The following ANKRD66 variants were observed in gnomAD, a reference collection of about 807,000 sequenced individuals.
ANKRD66 encodes ankyrin repeat domain-containing protein 66.
ANKRD66 carries 10 observed loss-of-function variants against 10.9 expected under a neutral mutation model. The observed-to-expected ratio is 0.91, with a 90% CI of 0.56 to 1.55. The LOEUF (loss-of-function observed/expected upper bound fraction) is 1.55, where lower values mean the gene tolerates loss of function less well. Among genes scored for constraint, ANKRD66 ranks in the 40% most tolerant of loss-of-function variants. The pLI, the probability that ANKRD66 is intolerant of heterozygous loss-of-function variation, is 0.00. For missense variants in ANKRD66, 252 were observed against 242.9 expected, an observed-to-expected ratio of 1.04 and a Z score of -0.25; for synonymous variants, 85 against 88.4, an observed-to-expected ratio of 0.96 and a Z score of 0.22.
chr6:46,758,667 C>A (rs1210912930), intron 4 of ANKRD66, 56 bp from the exon 5 acceptor site: 5 of 1,462,726 alleles, frequency 3.4e-6, no homozygotes, highest in Non-Finnish European at 4.5e-6. Flanking sequence ...GGCCGATTCC[C>A]AGGCTGGAAC....
At chr6:46,751,026 C>T (rs1011169982) in intron 2 of ANKRD66, among the ~76,000 whole-genome samples, 5 of 152,096 alleles carry the variant, frequency 3.3e-5, no homozygotes, top group African/African-American at 9.7e-5. Flanking sequence ...ATTCTAATAA[C>T]ACATTCATTA....
chr6:46,752,708 A>T (rs1766297030), intron 3 of ANKRD66, among the ~76,000 whole-genome samples: 1 of 152,204 alleles, frequency 6.6e-6, no homozygotes, highest in Non-Finnish European at 1.5e-5. Context: ...CCTATCTTAC[A>T]GTCTGCTCTC....
At chr6:46,751,499 T>C (rs532186399) in intron 2 of ANKRD66, among the ~76,000 whole-genome samples, 3 of 152,350 alleles carry the variant, frequency 2.0e-5, no homozygotes, top group South Asian at 2.1e-4. Context: ...TAATTTTTTT[T>C]TGCAAATTGA....
intron 4 of ANKRD66, chr6:46,757,447 G>A (rs190004746): frequency 9.2e-5 from 14 of 152,284 alleles, no homozygotes; most frequent in Admixed American, 7.2e-4. Context: ...TAGGCAAGCA[G>A]AAGAGTGTGA....
intron 3 of ANKRD66, among the ~76,000 whole-genome samples, chr6:46,752,399 G>C (rs1187649910): frequency 6.6e-6 from 1 of 152,026 alleles, no homozygotes. Context: ...CACGACTAGT[G>C]AATTTTTGTA....
At chr6:46,747,891 A>C (rs1356036871) in intron 1 of ANKRD66, among the ~76,000 whole-genome samples, 2 of 152,242 alleles carry the variant, frequency 1.3e-5, no homozygotes, top group Admixed American at 1.3e-4. Context: ...ACTAGCATAA[A>C]GATAGATATT....
At chr6:46,750,436 T>C (rs1026197773) in intron 2 of ANKRD66, among the ~76,000 whole-genome samples, 3 of 151,990 alleles carry the variant, frequency 2.0e-5, no homozygotes, top group African/African-American at 7.2e-5. Context: ...ATAGGTTTAC[T>C]CTCCCCTGCC....
At chr6:46,758,660 C>T (rs373618015) in intron 4 of ANKRD66, 63 bp from the exon 5 acceptor site, 20 of 1,441,690 alleles carry the variant, frequency 1.4e-5, no homozygotes, top group Middle Eastern at 5.1e-4. Context: ...GAATAAAGGC[C>T]GATTCCCAGG....
At chr6:46,750,803 T>C (rs1766254001) in intron 2 of ANKRD66, among the ~76,000 whole-genome samples, 1 of 151,524 alleles carries the variant, frequency 6.6e-6, no homozygotes, top group Non-Finnish European at 1.5e-5. Flanking sequence ...ACAACAATAT[T>C]GTGTAAGTTG....
intron 2 of ANKRD66, 23 bp downstream of exon 2, chr6:46,750,002 T>A: frequency 7.8e-7 from 1 of 1,285,206 alleles, no homozygotes; most frequent in African/African-American, 1.5e-5. Flanking sequence ...CTGAGCACAA[T>A]AATTTGCATT....
At chr6:46,755,960 C>T in intron 4 of ANKRD66, 2 of 264,738 alleles carry the variant, frequency 7.6e-6, no homozygotes, top group South Asian at 3.9e-5. Flanking sequence ...CTAAAGTGTA[C>T]AGTTCATCAG....
In ANKRD66 at chr6:46,751,981, G is replaced by A; in HGVS notation, c.33G>A (p.Lys11=). 1.3e-6 allele frequency: 2 copies of A among 1,490,918 alleles called. No homozygotes were observed. Among genetic ancestry groups the A allele is most frequent in the Non-Finnish European group, 1.8e-6 (2 of 1,122,804 alleles). The allele number at this position is 1,490,918 out of a possible 1,614,324, so 92.4% of individuals were successfully genotyped here. A position where few individuals can be genotyped will look rare whatever the true frequency, so the allele number is the denominator to read the frequency against. The change falls in exon 3 of 5, where the codon AAG becomes AAA. Residue 11 remains lysine (K), a synonymous_variant. Transcript: ENST00000565422. ...TGGCCAAAATGTCAGACATGACAAA[G>A]CTTCACCAAGCTGTGGCTGCAGGAG... MELAKMSDMT[K]LHQAVAAGDY...
At position 46,759,049 on chromosome 6, in the gene ANKRD66, T is replaced by G. The variant is rs151238314; in HGVS notation, c.*128T>G. 8.8e-4 allele frequency: 758 copies of G among 864,344 alleles called. No individual in the cohort carries two copies. Among genetic ancestry groups the G allele is most frequent in the Non-Finnish European group, 1.2e-3 (722 of 578,270 alleles). The allele number at this position is 864,344 out of a possible 1,614,324, so 53.5% of individuals were successfully genotyped here. A position where few individuals can be genotyped will look rare whatever the true frequency, so the allele number is the denominator to read the frequency against. On this transcript the variant is annotated 3_prime_UTR_variant, in exon 5 of 5. Coordinates refer to ENST00000565422, the MANE Select transcript of ANKRD66 (RefSeq NM_001162435.3). ...CACCTGGCTTCTGCCCATGGACCTG[T>G]CATTAGGTGCTGTCCACATGGGCTG...
chr6:46,752,538 G>C (rs1766295055), intron 3 of ANKRD66, among the ~76,000 whole-genome samples: 1 of 152,204 alleles, frequency 6.6e-6, no homozygotes, highest in Non-Finnish European at 1.5e-5. Context: ...CCTGGCCCCA[G>C]ATGGAACATT....
Position 46,749,974 on chromosome 6 carries a change from G to A in ANKRD66, c.-18G>A. ...GGCCGGACCCCTGCCCAGAGTTTCA[G>A]ATTCTGTAAGTCTGGGGCTGAGCAC... On this transcript the variant is annotated 5_prime_UTR_variant, in exon 2 of 5. Coordinates refer to ENST00000565422, the MANE Select transcript of ANKRD66 (RefSeq NM_001162435.3). 6.9e-7 allele frequency: 1 copy of A among 1,441,862 alleles called. No individual in the cohort carries two copies. The allele number at this position is 1,441,862 out of a possible 1,614,324, so 89.3% of individuals were successfully genotyped here.
rs528460553 is a variant in ANKRD66 at position 46,758,645 on chromosome 6, C to T, written c.393-78C>T. 9.2e-5 allele frequency: 127 copies of T among 1,384,520 alleles called. No individual in the cohort carries two copies. The African/African-American group carries it at 1.8e-3, about 20-fold the overall frequency. The allele number at this position is 1,384,520 out of a possible 1,614,324, so 85.8% of individuals were successfully genotyped here. A position where few individuals can be genotyped will look rare whatever the true frequency, so the allele number is the denominator to read the frequency against. Reference sequence around the variant, plus strand: ...CTCAACTGAACTGCGGTGTGCAGAACCTGTGAATAAAGGCCGATTCCCAGG... The same window carrying T: ...CTCAACTGAACTGCGGTGTGCAGAATCTGTGAATAAAGGCCGATTCCCAGG... On this transcript the variant is annotated intron_variant, in intron 4 of 4. Coordinates refer to ENST00000565422, the MANE Select transcript of ANKRD66 (RefSeq NM_001162435.3).
intron 1 of ANKRD66, among the ~76,000 whole-genome samples, 161 bp from the exon 2 acceptor site, chr6:46,749,735 G>A (rs553608107): frequency 9.9e-5 from 15 of 151,918 alleles, no homozygotes; most frequent in African/African-American, 2.4e-4. Context: ...TCCATCAGTC[G>A]CCAATATGTC....
intron 1 of ANKRD66, among the ~76,000 whole-genome samples, chr6:46,749,037 C>A (rs936066648): frequency 1.3e-5 from 2 of 152,204 alleles, no homozygotes; most frequent in Non-Finnish European, 2.9e-5. Flanking sequence ...TTTCGTAGGC[C>A]CGTGGTCACC....
In ANKRD66 at chr6:46,752,816, C is replaced by T. The variant is rs74973899; in HGVS notation, c.163+705C>T. On this transcript the variant is annotated intron_variant, in intron 3 of 4. Transcript: ENST00000565422. ...GCTTCATTCCTCATTGAATCCCCCA[C>T]GCCTTACATAGCTCAGTTACAGAAT... Among the ~76,000 whole-genome samples the T allele has an allele frequency of 2.3e-3, 356 of 152,286 alleles. 4 individuals carry two copies. Among genetic ancestry groups the T allele is most frequent in the South Asian group, 0.01 (50 of 4,818 alleles).
Sources: allele counts gnomAD v4.1 joint callset (sites outside exome capture counted in the v4.1 genomes callset), GRCh38; gene constraint gnomAD v4.1.1; transcripts MANE v1.5; gene names NCBI Gene and HGNC (gene_info 2026-07-23, HGNC 2026-07-21).